ZNF790: variants seen among roughly 807,000 people sequenced by gnomAD.
ZNF790 encodes zinc finger protein 790.
In ZNF790, 8 loss-of-function variants were observed where a neutral mutation model predicts 12.1. That is an observed-to-expected ratio of 0.66 (90% CI 0.39 to 1.19). The LOEUF (loss-of-function observed/expected upper bound fraction) is 1.19. Among genes scored for constraint, ZNF790 ranks in the 50% most tolerant of loss-of-function variants. ZNF790 has a pLI of 0.01. For missense variants in ZNF790, 707 were observed against 752.2 expected (o/e 0.94, Z 0.70); for synonymous variants, 252 against 244.3 (o/e 1.03, Z -0.29).
At chr19:36,829,650 C>T (rs1042359150) in intron 1 of ZNF790, among the ~76,000 whole-genome samples, 2 of 152,200 alleles carry the variant, frequency 1.3e-5, no homozygotes, top group Non-Finnish European at 2.9e-5. Flanking sequence ...TCACCACAAC[C>T]TCCACCTCTG....
chr19:36,835,053 C>T (rs1256813644), intron 1 of ZNF790, among the ~76,000 whole-genome samples: 3 of 152,110 alleles, frequency 2.0e-5, no homozygotes, highest in African/African-American at 7.2e-5. Flanking sequence ...TTTGGGAGGC[C>T]AAGGTGGGCA....
At chr19:36,821,004 C>T (rs899095017) in intron 4 of ZNF790, among the ~76,000 whole-genome samples, 1 of 146,954 alleles carries the variant, frequency 6.8e-6, no homozygotes, top group Non-Finnish European at 1.5e-5. Flanking sequence ...CCCATTAACT[C>T]GTCATTTAGC....
chr19:36,823,604 A>C, intron 3 of ZNF790, 63 bp downstream of exon 3: 1 of 1,577,264 alleles, frequency 6.3e-7, no homozygotes, highest in Non-Finnish European at 8.6e-7. Flanking sequence ...GGACATTTAA[A>C]AGACAATAAA....
intron 1 of ZNF790, among the ~76,000 whole-genome samples, chr19:36,843,633 T>C (rs1203845690): frequency 2.0e-5 from 3 of 152,176 alleles, no homozygotes; most frequent in African/African-American, 7.2e-5. Context: ...GCCTCTACTA[T>C]TTTTATACAC....
chr19:36,830,672 A>G (rs2071928643), intron 1 of ZNF790, among the ~76,000 whole-genome samples: 1 of 152,206 alleles, frequency 6.6e-6, no homozygotes, highest in Admixed American at 6.5e-5. Context: ...AATTTTAAAA[A>G]AATTGTCTTC....
intron 4 of ZNF790, 42 bp from the exon 5 acceptor site, chr19:36,820,156 CA>C: frequency 6.5e-7 from 1 of 1,543,778 alleles, no homozygotes; most frequent in South Asian, 1.2e-5. Context: ...GTTGTATGTA[CA>C]AAAAGCAATA....
chr19:36,830,277 CTCTA>C (rs371954720), intron 1 of ZNF790, among the ~76,000 whole-genome samples: 2,244 of 152,228 alleles, frequency 0.015, 44 homozygotes, highest in African/African-American at 0.05. Flanking sequence ...AATGCCTTAT[CTCTA>C]TCTATTGAGA....
chr19:36,822,843 T>G (rs1415917128), intron 4 of ZNF790, among the ~76,000 whole-genome samples: 2 of 151,378 alleles, frequency 1.3e-5, no homozygotes, highest in African/African-American at 4.9e-5. Flanking sequence ...CCCAGCCAGT[T>G]TTTGTTTTTG....
intron 1 of ZNF790, among the ~76,000 whole-genome samples, chr19:36,836,281 CAAAGAAGTTTAGTCT>C (rs947256301): frequency 2.7e-4 from 41 of 152,054 alleles, no homozygotes; most frequent in African/African-American, 9.9e-4. Context: ...TCACCCAAAC[CAAAGAAGTTTAGTCT>C]AAGATGAAAG....
In ZNF790 at chr19:36,818,720, A is replaced by C. The variant is rs867483733; in HGVS notation, c.1624T>G (p.Ser542Ala). ...GTAAGCTGTGAACCCCAGATAAAAG[A>C]TTTCCCACATTCTTTACATACGTAA... Reference protein sequence around the residue: ...EPYVCKECGKSFIWGSQLTRH... With the variant: ...EPYVCKECGKAFIWGSQLTRH... Residue 542 changes from serine (S) to alanine (A), a missense_variant, in exon 5 of 5, where the codon TCT becomes GCT. Ser to Ala is a moderately conservative substitution (Grantham distance 99, BLOSUM62 1). Coordinates refer to ENST00000356725, the MANE Select transcript of ZNF790 (RefSeq NM_206894.4). The C allele has an allele frequency of 6.2e-7, 1 of 1,613,398 alleles. No homozygotes were observed.
rs989584458 is a variant in ZNF790, at chr19:36,838,100, G to C, written c.-74+237C>G. ...CAGCGCCTGTCAACGTCGTGTGCGC[G>C]TGCGCGCACACACACACACACACAC... On this transcript the variant is annotated intron_variant, in intron 1 of 4. Transcript: ENST00000356725. The surrounding 1 kb of genome is among the most constrained non-coding windows in gnomAD (Gnocchi z 4.4). The C allele has an allele frequency of 1.3e-5, 1 of 79,272 alleles. No individual in the cohort carries two copies. Among genetic ancestry groups the C allele is most frequent in the Non-Finnish European group, 2.7e-5 (1 of 37,564 alleles). 4.9% of individuals were successfully genotyped at this position (79,272 alleles called of 1,614,324 possible).
rs1309016378 is a variant in ZNF790 at position 36,818,233 on chromosome 19, T to C, written c.*200A>G. 9.3e-6 allele frequency: 4 copies of C among 432,372 alleles called. No individual in the cohort carries two copies. In the South Asian group the frequency reaches 2.7e-4, roughly 29 times the overall value. The allele number at this position is 432,372 out of a possible 1,614,324, so 26.8% of individuals were successfully genotyped here. ...TTTTACCCTGATATTCTGCAATTGA[T>C]AACTGATCAGTAATTTCTTTCCTAT... On this transcript the variant is annotated 3_prime_UTR_variant, in exon 5 of 5. Coordinates refer to ENST00000356725, the MANE Select transcript of ZNF790 (RefSeq NM_206894.4).
At chr19:36,827,076 GTATGTGTGTATA>G (rs1568337884) in intron 1 of ZNF790, among the ~76,000 whole-genome samples, 1 of 134,730 alleles carries the variant, frequency 7.4e-6, no homozygotes, top group Non-Finnish European at 1.7e-5. Flanking sequence ...TGTTGTGTGT[GTATGTGTGTATA>G]TATGTGTGTG....
At position 36,818,889 on chromosome 19, in the gene ZNF790, C is replaced by T; in HGVS notation, c.1455G>A (p.Lys485=). Residue 485 remains lysine, a synonymous_variant, in exon 5 of 5, where the codon AAG becomes AAA. Transcript: ENST00000356725. ...TAAGTTCTGAACCACGAAAAAAGGT[C>T]TTTCCACATTCCTTACATTCATAGT... The part of the protein sequence containing the change: ...ERNYECKECG[K]TFFRGSELNR... The T allele has an allele frequency of 1.2e-6, 2 of 1,611,242 alleles. No homozygotes were observed. The highest frequency in any genetic ancestry group is 1.7e-6 in the Non-Finnish European group (2 of 1,178,024).
intron 2 of ZNF790, among the ~76,000 whole-genome samples, chr19:36,824,365 G>A (rs913858551): frequency 2.0e-5 from 3 of 151,896 alleles, no homozygotes; most frequent in Non-Finnish European, 2.9e-5. Context: ...GGAGTGCAGT[G>A]GTGCAATCTC....
chr19:36,850,738 A>T (rs1440613867), upstream of ZNF790: 1 of 152,262 alleles, frequency 6.6e-6, no homozygotes, highest in Non-Finnish European at 1.5e-5. Flanking sequence ...AGTCCGCGCC[A>T]GGGGAATCGG....
rs1420550645 is a variant in ZNF790, at chr19:36,818,760, A to G, written c.1584T>C (p.His528=). 1 of 1,610,868 alleles carries G rather than the reference A, an allele frequency of 6.2e-7. No homozygotes were observed. Among genetic ancestry groups the G allele is most frequent in the African/African-American group, 1.3e-5 (1 of 74,650 alleles). The change falls in exon 5 of 5, where the codon CAT becomes CAC. Residue 528 remains histidine, a synonymous_variant. Coordinates refer to ENST00000356725, the MANE Select transcript of ZNF790 (RefSeq NM_206894.4). ...TACATACGTAAGGTTCCTCACCAGT[A>G]TGCATTCTCTGATGTCGAGTAAGTT... ...GSQLTRHQRM[H]TGEEPYVCKE... is the part of the protein sequence containing the mutation.
intron 4 of ZNF790, among the ~76,000 whole-genome samples, chr19:36,821,107 G>C (rs1410977427): frequency 3.0e-5 from 4 of 135,416 alleles, no homozygotes; most frequent in African/African-American, 1.1e-4. Flanking sequence ...ATTTTTTCAA[G>C]GGAGAAGGAG....
intron 1 of ZNF790, among the ~76,000 whole-genome samples, chr19:36,830,384 A>C (rs2071923718): frequency 6.6e-6 from 1 of 152,152 alleles, no homozygotes; most frequent in Non-Finnish European, 1.5e-5. Flanking sequence ...TTCTGGGATA[A>C]ATCCCACTCA....
Sources: gnomAD v4.1 joint callset for allele counts (sites outside exome capture counted in the v4.1 genomes callset) on GRCh38, gnomAD v4.1.1 for gene constraint, Gnocchi (gnomAD v3.1) non-coding constraint, MANE v1.5 for transcripts, NCBI Gene and HGNC (gene_info 2026-07-23, HGNC 2026-07-21) for gene names.